Variants in DBF4B observed in about 807,000 individuals in gnomAD.
DBF4B encodes the protein protein DBF4 homolog B.
DBF4B carries 49 observed loss-of-function variants against 53.4 expected under a neutral mutation model. The observed-to-expected ratio is 0.92, with a 90% confidence interval of 0.73 to 1.16. The LOEUF is 1.16. DBF4B is among the 50% of genes most tolerant of loss of function. DBF4B has a pLI of 0.00. For missense variants in DBF4B, 692 were observed against 775.0 expected (o/e 0.89, Z 1.27); for synonymous variants, 257 against 288.7 (o/e 0.89, Z 1.11).
At chr17:44,714,708 A>G (rs1247423017) in intron 2 of DBF4B, among the ~76,000 whole-genome samples, 1 of 152,100 alleles carries the variant, frequency 6.6e-6, no homozygotes, top group Non-Finnish European at 1.5e-5. Context: ...ATTGTCAAAA[A>G]TTATTAAATT....
chr17:44,749,940 G>A lies in DBF4B; in HGVS notation c.1190-655G>A. ...CTCAGGAACATATGAAGCAGAGGAG[G>A]GGCTTGGGCTGCACCACTCACAGAG... is the stretch of plus-strand genomic sequence containing the variant. On this transcript the variant is annotated intron_variant, in intron 13 of 13. Coordinates refer to ENST00000315005, the MANE Select transcript of DBF4B (RefSeq NM_145663.3). The surrounding 1 kb of genome is among the most constrained non-coding windows in gnomAD (Gnocchi z 4.4). 1 of 1,019,920 alleles carries A rather than the reference G, an allele frequency of 9.8e-7. No homozygotes were observed. The allele number at this position is 1,019,920 out of a possible 1,614,324, so 63.2% of individuals were successfully genotyped here.
intron 2 of DBF4B, among the ~76,000 whole-genome samples, chr17:44,717,169 T>C: frequency 6.6e-6 from 1 of 152,164 alleles, no homozygotes; most frequent in Non-Finnish European, 1.5e-5. Flanking sequence ...CCCTATCCTC[T>C]GCATTTCTTA....
chr17:44,741,395 C>T lies in DBF4B; in HGVS notation c.773C>T (p.Pro258Leu), dbSNP rs1290443419. ...KSFPEISFLG[P>L]KDASPFEAPT... Reference sequence around the variant, plus strand: ...TTTCCTGAAATTTCTTTTCTTGGACCCAAAGATGCAAGTCCCTTTGAGGCC... The same window carrying T: ...TTTCCTGAAATTTCTTTTCTTGGACTCAAAGATGCAAGTCCCTTTGAGGCC... The change falls in exon 10 of 14, where the codon CCC (proline) becomes CTC (leucine). Residue 258 changes from proline (P) to leucine (L), a missense_variant. Pro to Leu is a moderately conservative substitution (Grantham distance 98). Around this residue, in one of 3 missense-constraint regions of DBF4B, gnomAD observed 597 missense variants for 665.8 expected, o/e 0.90. Transcript: ENST00000315005. The T allele has an allele frequency of 6.2e-7, 1 of 1,613,694 alleles. No homozygotes were observed.
intron 3 of DBF4B, among the ~76,000 whole-genome samples, chr17:44,724,950 C>G (rs761489349): frequency 2.0e-5 from 3 of 152,096 alleles, no homozygotes; most frequent in Non-Finnish European, 4.4e-5. Flanking sequence ...AACCCTGTCT[C>G]TACTAAAAAT....
Position 44,709,470 on chromosome 17 carries a change from TG to T in DBF4B, c.82+105del, listed in dbSNP as rs1972671005. On this transcript the variant is annotated intron_variant, in intron 2 of 13. Transcript: ENST00000315005. ...CCTGTTGGAGTTTTCGATCACTCAG[TG>T]TTTTTATGTACTTATTTATTCATTT... 3.3e-6 allele frequency: 4 copies of T among 1,206,508 alleles called. No homozygotes were observed. The African/African-American group carries it at 4.5e-5, about 14-fold the overall frequency. The allele number at this position is 1,206,508 out of a possible 1,614,324, so 74.7% of individuals were successfully genotyped here.
intron 8 of DBF4B, among the ~76,000 whole-genome samples, 190 bp downstream of exon 8, chr17:44,737,056 G>A (rs1450534807): frequency 6.6e-6 from 1 of 152,204 alleles, no homozygotes; most frequent in Non-Finnish European, 1.5e-5. Flanking sequence ...CCAAGAGCAA[G>A]TCCAGAGCTG....
intron 2 of DBF4B, among the ~76,000 whole-genome samples, chr17:44,716,220 T>C (rs549588546): frequency 6.6e-6 from 1 of 152,244 alleles, no homozygotes; most frequent in African/African-American, 2.4e-5. Flanking sequence ...GTCAACTTGA[T>C]AGACTTCATT....
At position 44,722,887 on chromosome 17, in the gene DBF4B, C is replaced by T. The variant is rs765013906; in HGVS notation, c.90C>T (p.Ser30=). The part of the protein sequence containing the change: ...SRLRAPDLGV[S]RCLGKCQKNS... Reference sequence around the variant, plus strand: ...CTCTTTATTGTTTTCTAGGAGTTTCCAGGTGTCTAGGAAAATGCCAGAAGA... The same window carrying T: ...CTCTTTATTGTTTTCTAGGAGTTTCTAGGTGTCTAGGAAAATGCCAGAAGA... Residue 30 remains serine, a synonymous_variant, in exon 3 of 14, where the codon TCC becomes TCT. Coordinates refer to ENST00000315005, the MANE Select transcript of DBF4B (RefSeq NM_145663.3). 8 of 1,613,970 alleles carry T rather than the reference C, an allele frequency of 5.0e-6. No homozygotes were observed.
chr17:44,740,297 C>T (rs1975873346), intron 9 of DBF4B, among the ~76,000 whole-genome samples: 1 of 152,228 alleles, frequency 6.6e-6, no homozygotes, highest in South Asian at 2.1e-4. Flanking sequence ...CTGAGAACCC[C>T]TGGCTTGCAC....
chr17:44,733,372 C>T (rs1975032679), intron 6 of DBF4B, among the ~76,000 whole-genome samples: 1 of 152,140 alleles, frequency 6.6e-6, no homozygotes, highest in Admixed American at 6.5e-5. Context: ...ATTTTGTGCT[C>T]CTTCTTTTTT....
intron 2 of DBF4B, among the ~76,000 whole-genome samples, chr17:44,717,143 T>G (rs538666575): frequency 6.6e-6 from 1 of 152,276 alleles, no homozygotes; most frequent in South Asian, 2.1e-4. Flanking sequence ...TCTTCTGGTG[T>G]TGTTGACATT....
intron 10 of DBF4B, 88 bp downstream of exon 10, chr17:44,741,540 GC>G: frequency 1.1e-6 from 1 of 872,316 alleles, no homozygotes; most frequent in Non-Finnish European, 1.8e-6. Flanking sequence ...TTTGGGAATG[GC>G]CATGTGTTTG....
In DBF4B at chr17:44,749,389, G is replaced by A. The variant is rs776412167; in HGVS notation, c.1189+924G>A. ...GGCCACAGATACAACTTACTCCTCT[G>A]CTGGGTGCTGCACACCCGGCCAGGG... On this transcript the variant is annotated intron_variant, in intron 13 of 13. Transcript: ENST00000315005. This position sits in a 1 kb window ranked among gnomAD's most constrained non-coding sequence, Gnocchi z 4.4. The A allele has an allele frequency of 1.8e-4, 230 of 1,289,352 alleles. No homozygotes were observed. The highest frequency in any genetic ancestry group is 2.2e-4 in the Non-Finnish European group (217 of 988,880). 79.9% of individuals were successfully genotyped at this position (1,289,352 alleles called of 1,614,324 possible). A position where few individuals can be genotyped will look rare whatever the true frequency, so the allele number is the denominator to read the frequency against.
intron 2 of DBF4B, 80 bp from the exon 3 acceptor site, chr17:44,722,800 C>A: frequency 6.6e-7 from 1 of 1,523,274 alleles, no homozygotes; most frequent in Non-Finnish European, 9.0e-7. Context: ...AGCACACAGA[C>A]TGAGCTGTCA....
At chr17:44,728,798 A>G (rs76934199) in intron 3 of DBF4B, among the ~76,000 whole-genome samples, 8,218 of 146,808 alleles carry the variant, frequency 0.056, 282 homozygotes, top group Non-Finnish European at 0.077. Flanking sequence ...GCCTGGTGAC[A>G]AAAAAAAGGT....
intron 10 of DBF4B, among the ~76,000 whole-genome samples, chr17:44,743,134 G>A (rs1251866392): frequency 6.6e-6 from 1 of 152,232 alleles, no homozygotes; most frequent in Non-Finnish European, 1.5e-5. Context: ...GGTGGCCCAG[G>A]CTTGGCGCTG....
chr17:44,740,546 A>T (rs1221189954), intron 9 of DBF4B, among the ~76,000 whole-genome samples: 1 of 151,918 alleles, frequency 6.6e-6, no homozygotes, highest in East Asian at 1.9e-4. Flanking sequence ...GACCAGCAAG[A>T]ACACTTCACA....
rs1448800357 is a variant in DBF4B at position 44,749,463 on chromosome 17, C to T, written c.1189+998C>T. The T allele has an allele frequency of 7.8e-7, 1 of 1,288,422 alleles. No individual in the cohort carries two copies. The highest frequency in any genetic ancestry group is 1.0e-6 in the Non-Finnish European group (1 of 988,240). 79.8% of individuals were successfully genotyped at this position (1,288,422 alleles called of 1,614,324 possible). A position where few individuals can be genotyped will look rare whatever the true frequency, so the allele number is the denominator to read the frequency against. On this transcript the variant is annotated intron_variant, in intron 13 of 13. Coordinates refer to ENST00000315005, the MANE Select transcript of DBF4B (RefSeq NM_145663.3). This position sits in a 1 kb window ranked among gnomAD's most constrained non-coding sequence, Gnocchi z 4.4. ...GAACCCCAGGACTTCCCCAAAAGAG[C>T]TAGAAGGAGGCCCGGGCCTGGCCTT...
intron 13 of DBF4B, chr17:44,748,690 T>C (rs2049178097): frequency 2.1e-6 from 3 of 1,435,056 alleles, no homozygotes; most frequent in Non-Finnish European, 2.8e-6. Context: ...CCTGGCACTT[T>C]TTGGCCACAA....
Sources: gnomAD v4.1 joint callset for allele counts (sites outside exome capture counted in the v4.1 genomes callset) on GRCh38, gnomAD v4.1.1 for gene constraint, gnomAD v4.1.1 regional missense constraint, Gnocchi (gnomAD v3.1) non-coding constraint, MANE v1.5 for transcripts, NCBI Gene and HGNC (gene_info 2026-07-23, HGNC 2026-07-21) for gene names.